Variants in PCM1 observed in about 807,000 individuals in gnomAD.
The protein encoded by PCM1 is pericentriolar material 1 protein.
In PCM1, 157 loss-of-function variants were observed where a neutral mutation model predicts 241.9. The ratio of observed to expected loss-of-function variants is 0.65; its 90% CI spans 0.57 to 0.74. The LOEUF (loss-of-function observed/expected upper bound fraction) is 0.74. Among genes scored for constraint, PCM1 ranks in the 30% least tolerant of loss-of-function variants. The pLI is 0.00. For synonymous variants in PCM1, 1,085 were observed against 784.9 expected (o/e 1.38, Z -6.39); for missense variants, 3,478 against 2,360.1 (o/e 1.47, Z -9.81).
At chr8:17,992,953 T>TC (rs1338195774) in intron 28 of PCM1, among the ~76,000 whole-genome samples, 14 of 151,058 alleles carry the variant, frequency 9.3e-5, no homozygotes, top group African/African-American at 2.9e-4. Flanking sequence ...TTTTTTTTTT[T>TC]CCTGATTTGT....
intron 22 of PCM1, among the ~76,000 whole-genome samples, chr8:17,970,007 G>A (rs1207445098): frequency 6.6e-6 from 1 of 152,066 alleles, no homozygotes; most frequent in Non-Finnish European, 1.5e-5. Context: ...CTGTCTTTAC[G>A]GTTAAAGCAG....
At chr8:17,992,275 G>C (rs539774005) in intron 28 of PCM1, among the ~76,000 whole-genome samples, 51 of 152,194 alleles carry the variant, frequency 3.4e-4, no homozygotes, top group African/African-American at 1.2e-3. Context: ...TGAGATTGTT[G>C]GATCAAATGG....
At chr8:18,016,069 TA>T (rs1402230163) in intron 36 of PCM1, among the ~76,000 whole-genome samples, 1 of 152,160 alleles carries the variant, frequency 6.6e-6, no homozygotes, top group African/African-American at 2.4e-5. Flanking sequence ...TTTGTATTTT[TA>T]GTAGAGACAG....
At chr8:17,991,740 T>C in intron 28 of PCM1, 40 bp downstream of exon 28, 1 of 1,437,948 alleles carries the variant, frequency 7.0e-7, no homozygotes, top group South Asian at 1.3e-5. Context: ...GGAGAACAGG[T>C]GGTGTTTGGT....
chr8:17,993,567 A>T lies in PCM1; in HGVS notation c.4775A>T (p.Gln1592Leu). 1 of 1,597,756 alleles carries T rather than the reference A, an allele frequency of 6.3e-7. No homozygotes were observed. Residue 1592 changes from glutamine to leucine, a missense_variant, in exon 29 of 39, where the codon CAG becomes CTG. By Grantham distance (113) the Gln-to-Leu change is moderately radical. Transcript: ENST00000325083. ...CCATGTCCTAGAATTGATACTCAGC[A>T]GCTGGACCGGCAAATTAAAGCAATT... is the stretch of plus-strand genomic sequence containing the variant. ...TIPCPRIDTQ[Q>L]LDRQIKAIMK...
intron 29 of PCM1, among the ~76,000 whole-genome samples, chr8:18,001,283 T>C (rs2089324134): frequency 6.6e-6 from 1 of 152,238 alleles, no homozygotes. Context: ...TGGTTTCTTT[T>C]CCACTATTAC....
In PCM1 at chr8:17,966,008, C is replaced by A. The variant is rs1307316334; in HGVS notation, c.2865C>A (p.Asn955Lys). 6.2e-7 allele frequency: 1 copy of A among 1,609,302 alleles called. No individual in the cohort carries two copies. Among genetic ancestry groups the A allele is most frequent in the Non-Finnish European group, 8.5e-7 (1 of 1,177,208 alleles). Residue 955 changes from asparagine (N) to lysine (K), a missense_variant, in exon 19 of 39, where the codon AAC (asparagine) becomes AAA (lysine). Physicochemically the swap from Asn to Lys is moderately conservative, Grantham distance 94 (BLOSUM62 0). Coordinates refer to ENST00000325083, the MANE Select transcript of PCM1 (RefSeq NM_006197.4). ...NGKETKNRWKNNCPFSADENY... is the reference protein window; with the variant it reads ...NGKETKNRWKKNCPFSADENY... Reference sequence around the variant, plus strand: ...TTCAATCTTGTGTTAGGTGGAAGAACAATTGCCCTTTTTCGGCAGATGAAA... The same window carrying A: ...TTCAATCTTGTGTTAGGTGGAAGAAAAATTGCCCTTTTTCGGCAGATGAAA...
intron 6 of PCM1, among the ~76,000 whole-genome samples, chr8:17,943,726 G>GA (rs994480059): frequency 8.6e-5 from 13 of 152,014 alleles, no homozygotes; most frequent in Non-Finnish European, 1.3e-4. Context: ...TTCTTCAGGG[G>GA]AAAAAATCTT....
intron 6 of PCM1, among the ~76,000 whole-genome samples, chr8:17,943,277 G>A (rs1199731887): frequency 6.7e-6 from 1 of 150,012 alleles, no homozygotes; most frequent in South Asian, 2.1e-4. Flanking sequence ...GTTCCTACAA[G>A]AATTTGAGAG....
chr8:18,029,156 C>CCA lies in PCM1; in HGVS notation c.*1494_*1495insCA, dbSNP rs2094395586. 1 of 55,848 alleles carries CCA rather than the reference C, an allele frequency of 1.8e-5. No homozygotes were observed. The highest frequency in any genetic ancestry group is 7.4e-5 in the African/African-American group (1 of 13,544). 3.5% of individuals were successfully genotyped at this position (55,848 alleles called of 1,614,324 possible). On this transcript the variant is annotated 3_prime_UTR_variant, in exon 39 of 39. Coordinates refer to ENST00000325083, the MANE Select transcript of PCM1 (RefSeq NM_006197.4). ...CTGGCAACAGAGCGAGACTCTGTCT[C>CCA]AAAAAAAAAAAAAAAAAAAAAAAAA...
intron 34 of PCM1, 161 bp from the exon 35 acceptor site, chr8:18,013,803 A>T (rs915224970): frequency 7.0e-6 from 4 of 569,902 alleles, no homozygotes; most frequent in Non-Finnish European, 1.2e-5. Context: ...GCCATCTTGA[A>T]ATCACAACCA....
At chr8:17,935,155 T>G (rs1283097140) in intron 2 of PCM1, among the ~76,000 whole-genome samples, 1 of 152,246 alleles carries the variant, frequency 6.6e-6, no homozygotes, top group South Asian at 2.1e-4. Flanking sequence ...CGTCTTTGAC[T>G]CTTTGGCATA....
At chr8:17,938,263 CTT>C (rs1034222731) in intron 4 of PCM1, among the ~76,000 whole-genome samples, 1 of 152,114 alleles carries the variant, frequency 6.6e-6, no homozygotes, top group Non-Finnish European at 1.5e-5. Flanking sequence ...CGCGTCAAAA[CTT>C]TGTTTCGTGC....
chr8:17,957,444 A>G (rs756407223), intron 12 of PCM1, 23 bp downstream of exon 12: 25 of 1,609,650 alleles, frequency 1.6e-5, no homozygotes, highest in Non-Finnish European at 2.0e-5. Flanking sequence ...GTATTTACAT[A>G]TAATTTTGCT....
At chr8:17,935,093 C>T (rs538061843) in intron 2 of PCM1, among the ~76,000 whole-genome samples, 1 of 152,202 alleles carries the variant, frequency 6.6e-6, no homozygotes, top group Non-Finnish European at 1.5e-5. Flanking sequence ...TGCTATTGTA[C>T]CTTCCTGTTA....
intron 21 of PCM1, among the ~76,000 whole-genome samples, chr8:17,968,730 A>ATATGTG (rs1208910297): frequency 2.2e-5 from 3 of 134,714 alleles, no homozygotes; most frequent in African/African-American, 5.9e-5. Context: ...GGATGTATAT[A>ATATGTG]TGTGTGTGTG....
chr8:17,999,533 A>G (rs185379400), intron 29 of PCM1, among the ~76,000 whole-genome samples: 201 of 152,136 alleles, frequency 1.3e-3, no homozygotes, highest in Non-Finnish European at 2.2e-3. Flanking sequence ...CTGGTATCCA[A>G]GATACAACAC....
intron 2 of PCM1, chr8:17,925,976 T>C (rs1395991030): frequency 6.6e-6 from 1 of 151,896 alleles, no homozygotes; most frequent in Non-Finnish European, 1.5e-5. Flanking sequence ...TTGATGTATA[T>C]CTTAATTATA....
At position 17,952,954 on chromosome 8, in the gene PCM1, GT is replaced by G. The variant is rs372880356; in HGVS notation, c.1072-7del. The G allele has an allele frequency of 6.9e-5, 99 of 1,433,064 alleles. No individual in the cohort carries two copies. The highest frequency in any genetic ancestry group is 2.0e-4 in the Admixed American group (8 of 40,964). The allele number at this position is 1,433,064 out of a possible 1,614,324, so 88.8% of individuals were successfully genotyped here. A position where few individuals can be genotyped will look rare whatever the true frequency, so the allele number is the denominator to read the frequency against. On this transcript the variant is annotated splice_polypyrimidine_tract_variant and intron_variant, in intron 8 of 38. Coordinates refer to ENST00000325083, the MANE Select transcript of PCM1 (RefSeq NM_006197.4). ...TTAGTCTTAATTCTTCTTTTTTGTT[GT>G]TTTTTTTTAATAAGCCTCCAGCTGT...
Sources: gnomAD v4.1 joint callset for allele counts (sites outside exome capture counted in the v4.1 genomes callset) on GRCh38, gnomAD v4.1.1 for gene constraint, MANE v1.5 for transcripts, NCBI Gene and HGNC (gene_info 2026-07-23, HGNC 2026-07-21) for gene names.